The following CEP112 variants were observed in gnomAD, a reference collection of about 807,000 sequenced individuals.
The protein encoded by CEP112 is centrosomal protein 112.
Under a neutral mutation model 153.0 loss-of-function variants are expected in CEP112, and 127 were observed. The observed-to-expected ratio is 0.83, with a 90% CI of 0.72 to 0.96. The LOEUF (loss-of-function observed/expected upper bound fraction) is 0.96. Among genes scored for constraint, CEP112 ranks in the 40% least tolerant of loss-of-function variants. CEP112 has a pLI of 0.00. For synonymous variants in CEP112, 358 were observed against 374.4 expected (o/e 0.96, Z 0.51); for missense variants, 1,089 against 1,101.2 (o/e 0.99, Z 0.16).
At position 65,902,348 on chromosome 17, in the gene CEP112, G is replaced by C; in HGVS notation, c.1981-14C>G. On this transcript the variant is annotated splice_polypyrimidine_tract_variant and intron_variant, in intron 19 of 26. Transcript: ENST00000535342. ...CAGCTCTACTATCTGATTGGACAAT[G>C]AGGAGGACAGTTCATCAACAGAACA... 6 of 1,604,498 alleles carry C rather than the reference G, an allele frequency of 3.7e-6. No individual in the cohort carries two copies. Among genetic ancestry groups the C allele is most frequent in the Non-Finnish European group, 5.1e-6 (6 of 1,175,344 alleles).
chr17:65,942,388 T>C (rs932629789), intron 18 of CEP112, among the ~76,000 whole-genome samples: 1 of 152,154 alleles, frequency 6.6e-6, no homozygotes, highest in African/African-American at 2.4e-5. Flanking sequence ...GTTTAAATAG[T>C]ATAGGTGCTT....
At chr17:65,645,752 A>T (rs1239896416) in intron 24 of CEP112, among the ~76,000 whole-genome samples, 1 of 152,230 alleles carries the variant, frequency 6.6e-6, no homozygotes, top group Non-Finnish European at 1.5e-5. Flanking sequence ...TGATATACAG[A>T]ACAGTATTTG....
intron 18 of CEP112, among the ~76,000 whole-genome samples, chr17:65,942,007 C>T (rs965219909): frequency 2.4e-4 from 37 of 152,050 alleles, no homozygotes; most frequent in African/African-American, 8.0e-4. Flanking sequence ...TGTTGGTATA[C>T]GTAAGAGAAA....
At chr17:65,905,010 A>C (rs2143646464) in intron 19 of CEP112, among the ~76,000 whole-genome samples, 1 of 152,294 alleles carries the variant, frequency 6.6e-6, no homozygotes, top group East Asian at 1.9e-4. Context: ...CTAGAAGAAA[A>C]CCTAGGCAAT....
rs144990575 is a variant in CEP112, at chr17:66,184,174, T to C, written c.-8-867A>G. On this transcript the variant is annotated intron_variant, in intron 1 of 26. Coordinates refer to ENST00000535342, the MANE Select transcript of CEP112 (RefSeq NM_001199165.4). ...TGGGATGCTGAGGTGGGAGAATTGT[T>C]TGAAAGTGTGAGAGGTAAAGGCTGC... is the stretch of plus-strand genomic sequence containing the variant. 2.1e-3 allele frequency among the ~76,000 whole-genome samples: 314 copies of C among 152,214 alleles called. 2 individuals are homozygous for C. Among genetic ancestry groups the C allele is most frequent in the African/African-American group, 7.2e-3 (299 of 41,532 alleles).
rs967862540 is a variant in CEP112 at position 66,188,344 on chromosome 17, A to C, written c.-9+3653T>G. ...ACACACACTTTGCCTAACTACACCA[A>C]CCCACAAATGCCCACTTCCCTCTTG... On this transcript the variant is annotated intron_variant, in intron 1 of 26. Transcript: ENST00000535342. Among the ~76,000 whole-genome samples, 15 of 147,734 alleles carry C rather than the reference A, an allele frequency of 1.0e-4. No homozygotes were observed. The South Asian group carries it at 3.3e-3, about 32-fold the overall frequency.
At chr17:65,903,624 T>C (rs930727539) in intron 19 of CEP112, among the ~76,000 whole-genome samples, 1 of 152,162 alleles carries the variant, frequency 6.6e-6, no homozygotes, top group African/African-American at 2.4e-5. Flanking sequence ...GAGGCCAGCA[T>C]CATCCTGATA....
At chr17:65,737,577 A>G (rs909664663) in intron 23 of CEP112, among the ~76,000 whole-genome samples, 1 of 152,228 alleles carries the variant, frequency 6.6e-6, no homozygotes, top group Non-Finnish European at 1.5e-5. Flanking sequence ...TGCCGCTTCC[A>G]TGTAGGTAGT....
intron 6 of CEP112, among the ~76,000 whole-genome samples, chr17:66,109,245 T>G (rs1008833756): frequency 3.3e-5 from 5 of 152,178 alleles, no homozygotes; most frequent in Admixed American, 3.3e-4. Context: ...TTATTGAACA[T>G]TTTTAAATAA....
chr17:65,776,831 T>A (rs1012299200), intron 21 of CEP112, among the ~76,000 whole-genome samples: 1 of 152,246 alleles, frequency 6.6e-6, no homozygotes, highest in African/African-American at 2.4e-5. Flanking sequence ...TTTACACTCA[T>A]ATATATCATT....
chr17:65,729,868 G>T (rs1205940785), intron 23 of CEP112, among the ~76,000 whole-genome samples: 1 of 152,088 alleles, frequency 6.6e-6, no homozygotes, highest in Admixed American at 6.5e-5. Flanking sequence ...AGCCAAGATC[G>T]TGCCACTGCA....
chr17:65,924,131 C>T (rs1000628841), intron 19 of CEP112, among the ~76,000 whole-genome samples: 1 of 152,090 alleles, frequency 6.6e-6, no homozygotes, highest in Non-Finnish European at 1.5e-5. Context: ...CGCCCACCAC[C>T]ATGCCCGGCT....
rs1233893974 is a variant in CEP112 at position 66,191,483 on chromosome 17, C to CT, written c.-9+513dup. Among the ~76,000 whole-genome samples, 1 of 152,216 alleles carries CT rather than the reference C, an allele frequency of 6.6e-6. No individual in the cohort carries two copies. Among genetic ancestry groups the CT allele is most frequent in the Non-Finnish European group, 1.5e-5 (1 of 68,036 alleles). On this transcript the variant is annotated intron_variant, in intron 1 of 26. Coordinates refer to ENST00000535342, the MANE Select transcript of CEP112 (RefSeq NM_001199165.4). This position sits in a 1 kb window ranked among gnomAD's most constrained non-coding sequence, Gnocchi z 4.2. Reference sequence around the variant, plus strand: ...ACATGCGGCGGTGCTGGGCTTGGGCCTCTCCAAGCGGCCTATGACTTTCTG... The same window carrying CT: ...ACATGCGGCGGTGCTGGGCTTGGGCCTTCTCCAAGCGGCCTATGACTTTCTG...
intron 17 of CEP112, among the ~76,000 whole-genome samples, chr17:65,974,618 G>A (rs930303516): frequency 1.6e-4 from 24 of 152,094 alleles, no homozygotes; most frequent in African/African-American, 4.8e-4. Flanking sequence ...CCCATATGTA[G>A]AACAGTGGTT....
At chr17:65,875,354 T>TA (rs1411114122) in intron 20 of CEP112, among the ~76,000 whole-genome samples, 2 of 152,090 alleles carry the variant, frequency 1.3e-5, no homozygotes, top group African/African-American at 2.4e-5. Flanking sequence ...TCAAACCAAG[T>TA]AGTATAGAAA....
rs1053257455 is a variant in CEP112 at position 65,851,858 on chromosome 17, C to A, written c.2340G>T (p.Met780Ile). Residue 780 changes from methionine to isoleucine, a missense_variant, in exon 21 of 27, where the codon ATG (methionine) becomes ATT (isoleucine). Transcript: ENST00000535342. ...VNKLKAESEKMKIELKKTHAA... is the reference protein window; with the variant it reads ...VNKLKAESEKIKIELKKTHAA... ...CATGAGTCTTTTTCAGCTCTATTTTCATCTTTTCTGATTCAGCCTTCAGTT... is the reference window on the plus strand; with the variant it reads ...CATGAGTCTTTTTCAGCTCTATTTTAATCTTTTCTGATTCAGCCTTCAGTT... The A allele has an allele frequency of 6.2e-7, 1 of 1,614,000 alleles. No homozygotes were observed. The highest frequency in any genetic ancestry group is 1.3e-5 in the African/African-American group (1 of 74,928).
intron 21 of CEP112, among the ~76,000 whole-genome samples, chr17:65,796,371 C>T (rs146811495): frequency 4.0e-4 from 61 of 152,258 alleles, no homozygotes; most frequent in African/African-American, 1.4e-3. Flanking sequence ...GAGAGAATGG[C>T]CTGGGGCTCA....
chr17:65,872,180 T>G (rs935952867), intron 20 of CEP112, among the ~76,000 whole-genome samples: 2 of 152,124 alleles, frequency 1.3e-5, no homozygotes, highest in Non-Finnish European at 2.9e-5. Flanking sequence ...TTTTCAACAT[T>G]TAAAATTACC....
chr17:65,735,997 C>A (rs2050783212), intron 23 of CEP112, among the ~76,000 whole-genome samples: 1 of 152,014 alleles, frequency 6.6e-6, no homozygotes, highest in South Asian at 2.1e-4. Context: ...ACAACATGCC[C>A]ATATTTGCGT....
Sources: gnomAD v4.1 joint callset for allele counts (sites outside exome capture counted in the v4.1 genomes callset) on GRCh38, gnomAD v4.1.1 for gene constraint, Gnocchi (gnomAD v3.1) non-coding constraint, MANE v1.5 for transcripts, NCBI Gene and HGNC (gene_info 2026-07-23, HGNC 2026-07-21) for gene names.